The following NEURL1 variants were observed in gnomAD, a reference collection of about 807,000 sequenced individuals.
NEURL1 encodes the protein E3 ubiquitin-protein ligase NEURL1.
In NEURL1, 26 loss-of-function variants were observed where a neutral mutation model predicts 41.2. The ratio of observed to expected loss-of-function variants is 0.63; its 90% CI spans 0.46 to 0.87. The LOEUF is 0.87. NEURL1 is among the 40% of genes least tolerant of loss of function. The pLI is 0.00. For synonymous variants in NEURL1, 400 were observed against 402.3 expected (o/e 0.99, Z 0.07); for missense variants, 761 against 871.1 (o/e 0.87, Z 1.59).
Position 103,589,788 on chromosome 10 carries a change from A to T in NEURL1, c.1486+128A>T, listed in dbSNP as rs534987623. 3.0e-5 allele frequency: 39 copies of T among 1,294,316 alleles called. No homozygotes were observed. The African/African-American group carries it at 5.0e-4, about 17-fold the overall frequency. The allele number at this position is 1,294,316 out of a possible 1,614,324, so 80.2% of individuals were successfully genotyped here. A position where few individuals can be genotyped will look rare whatever the true frequency, so the allele number is the denominator to read the frequency against. The stretch of plus-strand genomic sequence containing the variant: ...CTCAGTAAACCCTTGTTGGGGGGTG[A>T]TTTCTGGGGTCATCCCCTCCTGTCC... On this transcript the variant is annotated intron_variant, in intron 5 of 5. Coordinates refer to ENST00000369780, the MANE Select transcript of NEURL1 (RefSeq NM_004210.5).
chr10:103,512,327 G>A (rs2034091404), intron 1 of NEURL1, among the ~76,000 whole-genome samples: 1 of 152,196 alleles, frequency 6.6e-6, no homozygotes, highest in Non-Finnish European at 1.5e-5. Context: ...AGGAGATGGA[G>A]CCACCTATGT....
chr10:103,506,966 A>G (rs1343335926), intron 1 of NEURL1, among the ~76,000 whole-genome samples: 1 of 152,148 alleles, frequency 6.6e-6, no homozygotes, highest in Non-Finnish European at 1.5e-5. Context: ...AAGCACAGGC[A>G]CAAAGTCAGG....
chr10:103,555,101 G>A (rs528404648), intron 1 of NEURL1: 2 of 154,912 alleles, frequency 1.3e-5, no homozygotes, highest in Non-Finnish European at 2.8e-5. Context: ...AGCGCGGGAG[G>A]TGGGGAGGCT....
At chr10:103,547,104 C>T (rs114748341) in intron 1 of NEURL1, among the ~76,000 whole-genome samples, 5,037 of 152,312 alleles carry the variant, frequency 0.033, 270 homozygotes, top group African/African-American at 0.11. Context: ...ACCCAGTAGC[C>T]GTAGGAGCTA....
At chr10:103,577,331 A>G (rs1187702511) in intron 3 of NEURL1, among the ~76,000 whole-genome samples, 1 of 152,054 alleles carries the variant, frequency 6.6e-6, no homozygotes, top group African/African-American at 2.4e-5. Flanking sequence ...CCTCCTGACC[A>G]TCGGAAGCAC....
intron 1 of NEURL1, among the ~76,000 whole-genome samples, chr10:103,565,141 G>A (rs911931786): frequency 6.6e-6 from 1 of 152,132 alleles, no homozygotes; most frequent in African/African-American, 2.4e-5. Context: ...TGGGGTGAGG[G>A]GTGCTCAGGG....
rs1333755239 is a variant in NEURL1, at chr10:103,591,168, T to G, written c.*796T>G. The G allele has an allele frequency of 2.6e-5, 4 of 152,854 alleles. No homozygotes were observed. Among genetic ancestry groups the G allele is most frequent in the Non-Finnish European group, 4.4e-5 (3 of 68,180 alleles). The allele number at this position is 152,854 out of a possible 1,614,324, so 9.5% of individuals were successfully genotyped here. On this transcript the variant is annotated 3_prime_UTR_variant, in exon 6 of 6. Transcript: ENST00000369780. ...CCCCAATCATCTCGCTGGATGCCATTGCCCAGGGGTAGCCCTTCGGTATGG... is the reference window on the plus strand; with the variant it reads ...CCCCAATCATCTCGCTGGATGCCATGGCCCAGGGGTAGCCCTTCGGTATGG...
intron 3 of NEURL1, among the ~76,000 whole-genome samples, chr10:103,574,970 C>T (rs1246170029): frequency 6.8e-6 from 1 of 146,322 alleles, no homozygotes; most frequent in East Asian, 2.0e-4. Context: ...TGAGATATCC[C>T]TTCATTTATT....
chr10:103,494,537 T>C (rs1345523512), intron 1 of NEURL1, 65 bp downstream of exon 1: 3 of 1,394,404 alleles, frequency 2.2e-6, no homozygotes, highest in African/African-American at 1.5e-5. Context: ...GGAGGTGTGG[T>C]TGGGGAGGGC....
intron 1 of NEURL1, among the ~76,000 whole-genome samples, chr10:103,501,426 G>C (rs1349276660): frequency 1.3e-5 from 2 of 151,898 alleles, no homozygotes; most frequent in Non-Finnish European, 2.9e-5. Context: ...AGTTCCCATG[G>C]GCAAGTCTGA....
At chr10:103,571,951 G>A in intron 3 of NEURL1, 129 bp downstream of exon 3, 1 of 927,196 alleles carries the variant, frequency 1.1e-6, no homozygotes, top group East Asian at 2.7e-5. Context: ...GGGAACCGGG[G>A]CAGCCCTGGG....
At chr10:103,576,600 C>T (rs2133880554) in intron 3 of NEURL1, among the ~76,000 whole-genome samples, 1 of 152,250 alleles carries the variant, frequency 6.6e-6, no homozygotes, top group Non-Finnish European at 1.5e-5. Flanking sequence ...CCCAGCTGCT[C>T]ATCAGCCAGG....
chr10:103,552,402 T>A (rs2035049881), intron 1 of NEURL1, among the ~76,000 whole-genome samples: 1 of 152,202 alleles, frequency 6.6e-6, no homozygotes, highest in African/African-American at 2.4e-5. Context: ...CCAACCTTGC[T>A]TCTGGAACAC....
intron 4 of NEURL1, among the ~76,000 whole-genome samples, chr10:103,585,444 C>A (rs1047425): frequency 0.28 from 42,305 of 151,974 alleles, 6,370 homozygotes; most frequent in East Asian, 0.45. Flanking sequence ...CGAGGGAAAG[C>A]GCGGATTATT....
chr10:103,541,203 C>T (rs2034814061), intron 1 of NEURL1, among the ~76,000 whole-genome samples: 1 of 152,144 alleles, frequency 6.6e-6, no homozygotes, highest in Non-Finnish European at 1.5e-5. Flanking sequence ...TGATGCAGGT[C>T]GTGTGTTAGG....
At chr10:103,551,467 T>C (rs11191723) in intron 1 of NEURL1, among the ~76,000 whole-genome samples, 25,478 of 151,984 alleles carry the variant, frequency 0.17, 2,334 homozygotes, top group South Asian at 0.31. Flanking sequence ...CACGCCTGGC[T>C]AACTTTTTAT....
Position 103,584,556 on chromosome 10 carries a change from G to T in NEURL1, c.670G>T (p.Asp224Tyr). Reference sequence around the variant, plus strand: ...CGCAGATAGCGAGCTGGTGCTCCCGGACTGTCTGCGGCCGCGCTCCTTCAC... The same window carrying T: ...CGCAGATAGCGAGCTGGTGCTCCCGTACTGTCTGCGGCCGCGCTCCTTCAC... Reference protein sequence around the residue: ...QLLDSELVLPDCLRPRSFTAL... With the variant: ...QLLDSELVLPYCLRPRSFTAL... The change falls in exon 4 of 6, where the codon GAC (aspartate) becomes TAC (tyrosine). Residue 224 changes from aspartate (D) to tyrosine (Y), a missense_variant. By Grantham distance (160) the Asp-to-Tyr change is radical (BLOSUM62 -3). Transcript: ENST00000369780. The T allele has an allele frequency of 1.4e-6, 2 of 1,408,774 alleles. No homozygotes were observed. Among genetic ancestry groups the T allele is most frequent in the Non-Finnish European group, 1.8e-6 (2 of 1,087,480 alleles). 87.3% of individuals were successfully genotyped at this position (1,408,774 alleles called of 1,614,324 possible).
chr10:103,499,344 A>G (rs1345664791), intron 1 of NEURL1, among the ~76,000 whole-genome samples: 1 of 152,044 alleles, frequency 6.6e-6, no homozygotes, highest in East Asian at 1.9e-4. Context: ...GGGGCAGGGG[A>G]AGGCTCATCC....
chr10:103,510,318 C>T (rs931801627), intron 1 of NEURL1, among the ~76,000 whole-genome samples: 8 of 152,218 alleles, frequency 5.3e-5, no homozygotes, highest in African/African-American at 1.4e-4. Context: ...TAGACACCCA[C>T]GGCCACTGCT....
Sources: allele counts gnomAD v4.1 joint callset (sites outside exome capture counted in the v4.1 genomes callset), GRCh38; gene constraint gnomAD v4.1.1; transcripts MANE v1.5; gene names NCBI Gene and HGNC (gene_info 2026-07-23, HGNC 2026-07-21).